The following PIK3C2B variants were observed in gnomAD, a reference collection of about 807,000 sequenced individuals.
The protein encoded by PIK3C2B is phosphatidylinositol 4-phosphate 3-kinase C2 domain-containing subunit beta.
A neutral mutation model predicts 184.3 loss-of-function variants in PIK3C2B; 83 were observed. The observed-to-expected ratio is 0.45, with a 90% CI of 0.38 to 0.54. The LOEUF (loss-of-function observed/expected upper bound fraction) is 0.54. PIK3C2B is among the 20% of genes least tolerant of loss of function. The pLI is 0.00. For missense variants in PIK3C2B, 1,736 were observed against 2,113.5 expected, an observed-to-expected ratio of 0.82 and a Z score of 3.50; for synonymous variants, 779 against 837.6, an observed-to-expected ratio of 0.93 and a Z score of 1.21.
intron 14 of PIK3C2B, among the ~76,000 whole-genome samples, chr1:204,448,123 ATTTAT>A (rs1343368172): frequency 6.6e-6 from 1 of 152,038 alleles, no homozygotes; most frequent in Non-Finnish European, 1.5e-5. Flanking sequence ...TCATTTATTT[ATTTAT>A]TTTGAGACAG....
intron 12 of PIK3C2B, among the ~76,000 whole-genome samples, chr1:204,453,112 C>A (rs1319318412): frequency 2.6e-5 from 4 of 152,126 alleles, no homozygotes; most frequent in Non-Finnish European, 5.9e-5. Context: ...TCCCCAGGAC[C>A]CTCCTCAGTC....
intron 23 of PIK3C2B, among the ~76,000 whole-genome samples, chr1:204,434,921 C>T (rs1191634226): frequency 2.6e-5 from 4 of 152,192 alleles, no homozygotes; most frequent in African/African-American, 9.7e-5. Context: ...GATCCAAGAG[C>T]CCAGTCTTGA....
At position 204,439,091 on chromosome 1, in the gene PIK3C2B, G is replaced by A. The variant is rs1413179710; in HGVS notation, c.3380-20C>T. 1 of 1,611,502 alleles carries A rather than the reference G, an allele frequency of 6.2e-7. No individual in the cohort carries two copies. The highest frequency in any genetic ancestry group is 1.3e-5 in the African/African-American group (1 of 74,882). On this transcript the variant is annotated intron_variant, in intron 22 of 32. Transcript: ENST00000684373. ...CCATCCCTGTGAGGGGAGAAATGGG[G>A]GTCACGTTCCAGACCAGAATGAAGG...
At chr1:204,434,377 T>C in intron 24 of PIK3C2B, 62 bp downstream of exon 24, 6 of 1,484,962 alleles carry the variant, frequency 4.0e-6, no homozygotes, top group Non-Finnish European at 5.6e-6. Flanking sequence ...GTCCCAGCTC[T>C]GAACCACTGT....
chr1:204,485,599 G>C (rs1247308459), intron 1 of PIK3C2B, among the ~76,000 whole-genome samples: 1 of 149,598 alleles, frequency 6.7e-6, no homozygotes, highest in Non-Finnish European at 1.5e-5. Context: ...TTTGAGACAG[G>C]GTCTTGCTCT....
intron 2 of PIK3C2B, chr1:204,467,017 C>T (rs192944074): frequency 7.0e-5 from 33 of 473,874 alleles, no homozygotes; most frequent in Admixed American, 1.5e-4. Context: ...CAAGCTGAGC[C>T]GGGGAGGACC....
chr1:204,469,579 C>T lies in PIK3C2B; in HGVS notation c.224G>A (p.Arg75Gln), dbSNP rs769153136. Residue 75 changes from arginine to glutamine, a missense_variant, in exon 2 of 33, where the codon CGG (arginine) becomes CAG (glutamine). Arg to Gln is a conservative substitution (Grantham distance 43). Transcript: ENST00000684373. ...ACCGCGTAACAGCTTGAGGTCGGTC[C>T]GCCTTCCTGCTGGCTTGCTGTAAAA... is the stretch of plus-strand genomic sequence containing the variant. ...VDFYSKPAGR[R>Q]TDLKLLRGLS... 29 of 1,593,794 alleles carry T rather than the reference C, an allele frequency of 1.8e-5. No homozygotes were observed. In the East Asian group the frequency reaches 2.0e-4, roughly 11 times the overall value.
intron 29 of PIK3C2B, chr1:204,428,966 A>G (rs1025104105): frequency 1.8e-5 from 8 of 452,284 alleles, no homozygotes; most frequent in Non-Finnish European, 3.1e-5. Flanking sequence ...GTTCATGCCT[A>G]TAATTCCAGC....
chr1:204,459,380 T>G (rs1403059388), intron 8 of PIK3C2B, among the ~76,000 whole-genome samples: 2 of 152,250 alleles, frequency 1.3e-5, no homozygotes, highest in African/African-American at 4.8e-5. Flanking sequence ...AGACAAATGT[T>G]GACTCTCATG....
chr1:204,430,686 T>A (rs1675004508), intron 28 of PIK3C2B, among the ~76,000 whole-genome samples: 1 of 150,120 alleles, frequency 6.7e-6, no homozygotes, highest in South Asian at 2.1e-4. Context: ...TGAGACTGAG[T>A]CTCGCTTTGC....
At chr1:204,484,300 G>A (rs1459363785) in intron 1 of PIK3C2B, among the ~76,000 whole-genome samples, 1 of 152,140 alleles carries the variant, frequency 6.6e-6, no homozygotes, top group East Asian at 1.9e-4. Context: ...TAGAAAACAG[G>A]AAAGGGATGC....
Position 204,434,615 on chromosome 1 carries a change from G to A in PIK3C2B, c.3517-7C>T. ...AGATAAAGTTCTCCACAGCCTGGGA[G>A]GGGTCAAGGCAGATGGGAGGAGAGG... On this transcript the variant is annotated splice_region_variant and splice_polypyrimidine_tract_variant and intron_variant, in intron 23 of 32. Coordinates refer to ENST00000684373, the MANE Select transcript of PIK3C2B (RefSeq NM_001377334.1). The A allele has an allele frequency of 6.2e-7, 1 of 1,610,198 alleles. No individual in the cohort carries two copies. Among genetic ancestry groups the A allele is most frequent in the South Asian group, 1.1e-5 (1 of 90,866 alleles).
intron 1 of PIK3C2B, among the ~76,000 whole-genome samples, chr1:204,487,606 C>A (rs1657698565): frequency 6.6e-6 from 1 of 152,122 alleles, no homozygotes; most frequent in Non-Finnish European, 1.5e-5. Context: ...ATGTATTTTT[C>A]CAAGTAGACA....
At chr1:204,483,444 C>G (rs1446799079) in intron 1 of PIK3C2B, among the ~76,000 whole-genome samples, 1 of 150,416 alleles carries the variant, frequency 6.6e-6, no homozygotes, top group African/African-American at 2.4e-5. Flanking sequence ...CTTCCAATAT[C>G]TCCTCACTTT....
chr1:204,457,581 G>A (rs1037855403), intron 9 of PIK3C2B, 147 bp downstream of exon 9: 63 of 723,346 alleles, frequency 8.7e-5, no homozygotes, highest in Middle Eastern at 2.7e-4. Flanking sequence ...GAGCTCTTGC[G>A]GTTGAATTCC....
intron 3 of PIK3C2B, 44 bp downstream of exon 3, chr1:204,465,175 C>G: frequency 1.5e-6 from 1 of 679,756 alleles, no homozygotes. Context: ...CCCTCCCCAT[C>G]CCCCATAGCC....
chr1:204,482,992 C>T (rs753481537), intron 1 of PIK3C2B, among the ~76,000 whole-genome samples: 10 of 152,108 alleles, frequency 6.6e-5, no homozygotes, highest in Admixed American at 2.0e-4. Context: ...CTCACCTGCA[C>T]GTACAGCGTG....
intron 1 of PIK3C2B, among the ~76,000 whole-genome samples, chr1:204,482,214 A>G (rs1191699502): frequency 6.6e-6 from 1 of 151,492 alleles, no homozygotes; most frequent in Admixed American, 6.6e-5. Context: ...TCTAGAGTAC[A>G]GTCCCCACAA....
chr1:204,432,873 T>C (rs1394028882), intron 26 of PIK3C2B, among the ~76,000 whole-genome samples: 1 of 152,200 alleles, frequency 6.6e-6, no homozygotes, highest in African/African-American at 2.4e-5. Context: ...CAGGCATTCA[T>C]AGATAAACAC....
Sources: allele counts gnomAD v4.1 joint callset (sites outside exome capture counted in the v4.1 genomes callset), GRCh38; gene constraint gnomAD v4.1.1; transcripts MANE v1.5; gene names NCBI Gene and HGNC (gene_info 2026-07-23, HGNC 2026-07-21).